Variants in MGAM observed in about 807,000 individuals in gnomAD.
The protein encoded by MGAM is alpha-1,4-glucosidase.
In MGAM, 253 loss-of-function variants were observed where a neutral mutation model predicts 358.8. The observed-to-expected ratio is 0.71, with a 90% CI of 0.64 to 0.78. MGAM has a LOEUF of 0.78. Ranked by LOEUF, MGAM falls within the 30% of genes least tolerant of loss-of-function variation. MGAM has a pLI of 0.00. For synonymous variants in MGAM, 1,105 were observed against 1,227.1 expected, an observed-to-expected ratio of 0.90 and a Z score of 2.08; for missense variants, 3,080 against 3,432.6, an observed-to-expected ratio of 0.90 and a Z score of 2.57.
intron 10 of MGAM, among the ~76,000 whole-genome samples, chr7:142,028,507 T>C (rs1367468467): frequency 2.0e-5 from 3 of 152,134 alleles, no homozygotes; most frequent in Admixed American, 6.6e-5. Flanking sequence ...ACATAGGTAA[T>C]TGATGACAGA....
At chr7:142,045,398 ATAT>A (rs1405862794) in intron 21 of MGAM, among the ~76,000 whole-genome samples, 798 of 49,704 alleles carry the variant, frequency 0.016, 14 homozygotes, top group African/African-American at 0.039. Flanking sequence ...AATACATGAT[ATAT>A]TATATATATT....
intron 37 of MGAM, 55 bp from the exon 38 acceptor site, chr7:142,065,280 T>C: frequency 6.3e-7 from 1 of 1,579,378 alleles, no homozygotes; most frequent in Non-Finnish European, 8.6e-7. Context: ...AGAAGCTCTA[T>C]GGCCTTTACT....
intron 21 of MGAM, among the ~76,000 whole-genome samples, chr7:142,044,591 TATATAC>T (rs1809758457): frequency 3.8e-5 from 5 of 130,528 alleles, no homozygotes; most frequent in African/African-American, 1.1e-4. Flanking sequence ...TAATGTATAT[TATATAC>T]ACGTGTAATA....
rs1243433960 is a variant in MGAM at position 142,095,639 on chromosome 7, G to C, written c.7533G>C (p.Leu2511=). ...CTGTCCTGCAGACCAGATACACCCT[G>C]TTGCCATATCTGTATACCTTGATGC... ...SRTVLQTRYT[L]LPYLYTLMHK... Residue 2511 remains leucine (L), a synonymous_variant, in exon 64 of 71, where the codon CTG becomes CTC. Coordinates refer to ENST00000475668, the MANE Select transcript of MGAM (RefSeq NM_001365693.1). 2 of 1,613,902 alleles carry C rather than the reference G, an allele frequency of 1.2e-6. No individual in the cohort carries two copies. Among genetic ancestry groups the C allele is most frequent in the East Asian group, 2.2e-5 (1 of 44,880 alleles).
At chr7:142,036,696 T>G (rs2129008259) in intron 17 of MGAM, 127 bp from the exon 18 acceptor site, 1 of 1,014,866 alleles carries the variant, frequency 9.9e-7, no homozygotes, top group South Asian at 1.6e-5. Context: ...AGAAGCGAGG[T>G]TTGCAACCTT....
intron 22 of MGAM, among the ~76,000 whole-genome samples, chr7:142,048,216 G>A (rs186358121): frequency 6.6e-6 from 1 of 151,484 alleles, no homozygotes; most frequent in Non-Finnish European, 1.5e-5. Flanking sequence ...GCAGTGGCGC[G>A]ATCTCGGCTC....
In MGAM at chr7:142,019,876, T is replaced by C. The variant is rs191036301; in HGVS notation, c.448+557T>C. Among the ~76,000 whole-genome samples, 49 of 152,098 alleles carry C rather than the reference T, an allele frequency of 3.2e-4. No homozygotes were observed. In the East Asian group the frequency reaches 3.3e-3, roughly 10 times the overall value. On this transcript the variant is annotated intron_variant, in intron 4 of 70. Transcript: ENST00000475668. ...CTGAGCTCAGGAGTTTGAGACTAGC[T>C]TGGCCAACATGGCGAAACCCCATCT... is the stretch of plus-strand genomic sequence containing the variant.
chr7:142,053,251 A>G (rs1036738270), intron 26 of MGAM, among the ~76,000 whole-genome samples: 2 of 152,130 alleles, frequency 1.3e-5, no homozygotes, highest in Non-Finnish European at 1.5e-5. Context: ...CCAGTTAGGC[A>G]GGTCAGTGGA....
At chr7:142,032,344 CAG>C (rs1176190669) in intron 13 of MGAM, among the ~76,000 whole-genome samples, 2 of 152,082 alleles carry the variant, frequency 1.3e-5, no homozygotes, top group African/African-American at 4.8e-5. Context: ...TCAAACAATA[CAG>C]AGAGTTAAAA....
intron 59 of MGAM, among the ~76,000 whole-genome samples, chr7:142,092,996 A>C (rs556262683): frequency 6.8e-6 from 1 of 146,466 alleles, no homozygotes; most frequent in South Asian, 2.2e-4. Flanking sequence ...ACTTGGGTTC[A>C]TATCTTGGTT....
chr7:142,035,773 G>A (rs551343867), intron 16 of MGAM, among the ~76,000 whole-genome samples: 4 of 152,238 alleles, frequency 2.6e-5, no homozygotes, highest in Admixed American at 2.0e-4. Context: ...TTTTTAATAG[G>A]TGAGTGACAT....
chr7:142,051,374 CT>C (rs1487351888), intron 24 of MGAM, among the ~76,000 whole-genome samples: 1 of 151,864 alleles, frequency 6.6e-6, no homozygotes, highest in Non-Finnish European at 1.5e-5. Context: ...GGAGTGGGGG[CT>C]GGGGACTAGT....
Position 142,045,552 on chromosome 7 carries a change from C to T in MGAM, c.2499-2233C>T, listed in dbSNP as rs1409511974. ...ATATAATATATATTATATATACATA[C>T]AATATATGAATATATAATATATATT... On this transcript the variant is annotated intron_variant, in intron 21 of 70. Coordinates refer to ENST00000475668, the MANE Select transcript of MGAM (RefSeq NM_001365693.1). Among the ~76,000 whole-genome samples, 9 of 58,578 alleles carry T rather than the reference C, an allele frequency of 1.5e-4. 1 individual carries two copies. In the South Asian group the frequency reaches 3.9e-3, roughly 25 times the overall value. The allele number at this position is 58,578 out of a possible 152,430, so 38.4% of individuals were successfully genotyped here. A position where few individuals can be genotyped will look rare whatever the true frequency, so the allele number is the denominator to read the frequency against.
rs1318340836 is a variant in MGAM, at chr7:142,095,503, C to T, written c.7459-62C>T. On this transcript the variant is annotated intron_variant, in intron 63 of 70. Coordinates refer to ENST00000475668, the MANE Select transcript of MGAM (RefSeq NM_001365693.1). Reference sequence around the variant, plus strand: ...TTCAATTGGAGTATGCTTTCAGTGACCTTCTTAAATCCCCTAGAAATTCCA... The same window carrying T: ...TTCAATTGGAGTATGCTTTCAGTGATCTTCTTAAATCCCCTAGAAATTCCA... 3.1e-6 allele frequency: 5 copies of T among 1,607,250 alleles called. No homozygotes were observed. The East Asian group carries it at 8.9e-5, about 29-fold the overall frequency.
At chr7:142,047,304 A>T (rs900756296) in intron 21 of MGAM, among the ~76,000 whole-genome samples, 8 of 152,224 alleles carry the variant, frequency 5.3e-5, no homozygotes, top group African/African-American at 1.9e-4. Context: ...CAATAATCAG[A>T]TAAGTTACTA....
rs76107969 is a variant in MGAM, at chr7:142,035,258, G to T, written c.1959+417G>T. Among the ~76,000 whole-genome samples, 42 of 152,200 alleles carry T rather than the reference G, an allele frequency of 2.8e-4. No homozygotes were observed. In the East Asian group the frequency reaches 5.8e-3, roughly 21 times the overall value. ...AACATATTTATGAATTGAACTCCTA[G>T]AGTGTTCAAGGTCTTGAGCAGAGTA... is the stretch of plus-strand genomic sequence containing the variant. On this transcript the variant is annotated intron_variant, in intron 16 of 70. Coordinates refer to ENST00000475668, the MANE Select transcript of MGAM (RefSeq NM_001365693.1).
chr7:142,068,123 A>T (rs1217016688), intron 42 of MGAM, among the ~76,000 whole-genome samples: 1 of 124,014 alleles, frequency 8.1e-6, no homozygotes, highest in African/African-American at 2.6e-5. Context: ...AGTAGCTGAG[A>T]CTACAGGCAT....
intron 2 of MGAM, among the ~76,000 whole-genome samples, chr7:142,006,204 G>A (rs1554452336): frequency 6.6e-6 from 1 of 151,934 alleles, no homozygotes; most frequent in African/African-American, 2.4e-5. Context: ...TGAAAAAAAT[G>A]AATGCCCTTT....
At chr7:142,065,855 A>C (rs1812684484) in intron 40 of MGAM, 24 bp downstream of exon 40, 2 of 1,464,746 alleles carry the variant, frequency 1.4e-6, no homozygotes, top group African/African-American at 1.4e-5. Context: ...TTCTACCTCC[A>C]CTGTTTTATG....
Sources: allele counts gnomAD v4.1 joint callset (sites outside exome capture counted in the v4.1 genomes callset), GRCh38; gene constraint gnomAD v4.1.1; transcripts MANE v1.5; gene names NCBI Gene and HGNC (gene_info 2026-07-23, HGNC 2026-07-21).